Variants in COPG2 observed in about 807,000 individuals in gnomAD.
COPG2 encodes coatomer subunit gamma-2.
A neutral mutation model predicts 46.3 loss-of-function variants in COPG2; 37 were observed. The observed-to-expected ratio is 0.80, with a 90% CI of 0.61 to 1.05. The LOEUF (loss-of-function observed/expected upper bound fraction) is 1.05. Among genes scored for constraint, COPG2 ranks in the 50% least tolerant of loss-of-function variants. The pLI is 0.00. For synonymous variants in COPG2, 159 were observed against 129.7 expected (o/e 1.23, Z -1.53); for missense variants, 427 against 387.8 (o/e 1.10, Z -0.85).
At chr7:130,581,634 G>A (rs1554447138) in intron 9 of COPG2, among the ~76,000 whole-genome samples, 1 of 122,392 alleles carries the variant, frequency 8.2e-6, no homozygotes, top group African/African-American at 3.1e-5. Flanking sequence ...AAGCTGATAA[G>A]CAACTTCAGC....
chr7:130,593,996 A>C (rs1278181974), intron 9 of COPG2, among the ~76,000 whole-genome samples: 1 of 152,214 alleles, frequency 6.6e-6, no homozygotes, highest in African/African-American at 2.4e-5. Flanking sequence ...GGAAGAGACA[A>C]GCTAGAGTAT....
intron 9 of COPG2, among the ~76,000 whole-genome samples, chr7:130,565,652 G>A (rs1793790408): frequency 6.6e-6 from 1 of 152,060 alleles, no homozygotes; most frequent in African/African-American, 2.4e-5. Context: ...ATATAAATAT[G>A]TTCAAAGAAC....
At chr7:130,622,295 T>A (rs1017119712) in intron 5 of COPG2, among the ~76,000 whole-genome samples, 2 of 151,996 alleles carry the variant, frequency 1.3e-5, no homozygotes, top group Admixed American at 1.3e-4. Context: ...GAGTATTAAT[T>A]CCCCCATACT....
At chr7:130,603,980 A>T in intron 9 of COPG2, 1 of 409,286 alleles carries the variant, frequency 2.4e-6, no homozygotes, top group South Asian at 1.8e-5. Flanking sequence ...AAAGTAAGCT[A>T]GAGAAAAGAA....
rs900527557 is a variant in COPG2, at chr7:130,552,362, A to T, written c.1537T>A (p.Leu513Ile). 1.4e-4 allele frequency: 56 copies of T among 398,214 alleles called. No individual in the cohort carries two copies. The highest frequency in any genetic ancestry group is 2.2e-4 in the Non-Finnish European group (50 of 225,886). The allele number at this position is 398,214 out of a possible 1,614,324, so 24.7% of individuals were successfully genotyped here. Residue 513 changes from leucine to isoleucine, a missense_variant, in exon 15 of 24, where the codon TTA becomes ATA. Leu to Ile is a conservative substitution (Grantham distance 5, BLOSUM62 2). Transcript: ENST00000425248. ...AGACATTATTTAACTTACCTCTGTAAGAGTACAAGGATGCTTGGGAGAAGA... is the reference window on the plus strand; with the variant it reads ...AGACATTATTTAACTTACCTCTGTATGAGTACAAGGATGCTTGGGAGAAGA... ...ESLLPSILVL[L>I]QRCMMDTDDE...
intron 5 of COPG2, among the ~76,000 whole-genome samples, chr7:130,619,016 G>A (rs1002252906): frequency 6.6e-6 from 1 of 152,074 alleles, no homozygotes; most frequent in Admixed American, 6.6e-5. Flanking sequence ...ATAGTTAGCT[G>A]TATTTTATTT....
intron 9 of COPG2, among the ~76,000 whole-genome samples, chr7:130,604,270 T>C (rs1554450890): frequency 6.6e-6 from 1 of 152,184 alleles, no homozygotes; most frequent in East Asian, 1.9e-4. Flanking sequence ...GGATTGTAAT[T>C]AGGGGTTTGT....
intron 20 of COPG2, among the ~76,000 whole-genome samples, chr7:130,526,594 CAGGCAGGACAGCCAT>C (rs1412281025): frequency 1.3e-5 from 2 of 150,722 alleles, no homozygotes; most frequent in South Asian, 2.1e-4. Flanking sequence ...AGGACAGCCA[CAGGCAGGACAGCCAT>C]AGGTGGAGTG....
At chr7:130,637,623 C>T (rs1382053660) in intron 5 of COPG2, among the ~76,000 whole-genome samples, 2 of 152,202 alleles carry the variant, frequency 1.3e-5, no homozygotes, top group African/African-American at 4.8e-5. Context: ...AGCAACTCCT[C>T]TAACCTTTTT....
intron 4 of COPG2, among the ~76,000 whole-genome samples, chr7:130,659,084 G>A (rs911312563): frequency 1.3e-5 from 2 of 151,980 alleles, no homozygotes; most frequent in Non-Finnish European, 2.9e-5. Flanking sequence ...GGCCGGGCGC[G>A]GTAGCTTACG....
chr7:130,541,199 G>A (rs1799933184), intron 20 of COPG2, among the ~76,000 whole-genome samples: 1 of 152,162 alleles, frequency 6.6e-6, no homozygotes. Context: ...AAGGCACCGG[G>A]TACCCTGGTG....
At chr7:130,630,471 A>G (rs1554455016) in intron 5 of COPG2, among the ~76,000 whole-genome samples, 1 of 152,204 alleles carries the variant, frequency 6.6e-6, no homozygotes, top group African/African-American at 2.4e-5. Context: ...AATTTTCTAC[A>G]TAGACAATGT....
intron 20 of COPG2, among the ~76,000 whole-genome samples, chr7:130,520,676 G>A (rs1443644420): frequency 2.0e-5 from 3 of 152,128 alleles, no homozygotes; most frequent in African/African-American, 7.2e-5. Flanking sequence ...TGTTAAATGT[G>A]TTATGCATTA....
In COPG2 at chr7:130,536,586, T is replaced by A. The variant is rs1021570004; in HGVS notation, c.2149+11088A>T. 4.7e-4 allele frequency among the ~76,000 whole-genome samples: 72 copies of A among 152,288 alleles called. No individual in the cohort carries two copies. In the Middle Eastern group the frequency reaches 0.01, roughly 22 times the overall value. Reference sequence around the variant, plus strand: ...TCCTGCATCCTCGGGTGAGAATCACTGGTGGACGCGGGAGGATGGAGAGCC... The same window carrying A: ...TCCTGCATCCTCGGGTGAGAATCACAGGTGGACGCGGGAGGATGGAGAGCC... On this transcript the variant is annotated intron_variant, in intron 20 of 23. Coordinates refer to ENST00000425248, the MANE Select transcript of COPG2 (RefSeq NM_012133.6).
At chr7:130,622,464 G>A (rs1795056191) in intron 5 of COPG2, among the ~76,000 whole-genome samples, 1 of 152,170 alleles carries the variant, frequency 6.6e-6, no homozygotes, top group African/African-American at 2.4e-5. Flanking sequence ...GAGACCATGT[G>A]AAGTGGCTCA....
At chr7:130,511,106 G>A (rs1449831858) in intron 20 of COPG2, 1 of 411,432 alleles carries the variant, frequency 2.4e-6, no homozygotes, top group Non-Finnish European at 4.8e-6. Context: ...GACAGGAGAG[G>A]GACATGTGAG....
intron 5 of COPG2, among the ~76,000 whole-genome samples, chr7:130,632,662 G>A (rs781865946): frequency 6.6e-6 from 1 of 151,748 alleles, no homozygotes; most frequent in Non-Finnish European, 1.5e-5. Context: ...TTTCAGTTGG[G>A]ATTTATTTCT....
chr7:130,650,535 GT>G (rs1203699058), intron 5 of COPG2, among the ~76,000 whole-genome samples: 2 of 152,018 alleles, frequency 1.3e-5, no homozygotes, highest in South Asian at 2.1e-4. Context: ...GGTTTTCTGG[GT>G]TTTTTTGTTC....
chr7:130,645,243 C>T, intron 5 of COPG2: 2 of 695,984 alleles, frequency 2.9e-6, no homozygotes, highest in South Asian at 1.3e-5. Context: ...GGCTCTTGTT[C>T]ATCCAGCTTT....
Sources: gnomAD v4.1 joint callset for allele counts (sites outside exome capture counted in the v4.1 genomes callset) on GRCh38, gnomAD v4.1.1 for gene constraint, MANE v1.5 for transcripts, NCBI Gene and HGNC (gene_info 2026-07-23, HGNC 2026-07-21) for gene names.